NALF1: variants seen among roughly 807,000 people sequenced by gnomAD.
NALF1 encodes family with sequence similarity 155 member A.
In NALF1, 3 loss-of-function variants were observed where a neutral mutation model predicts 48.4. The observed-to-expected ratio is 0.06, with a 90% CI of 0.03 to 0.16. The LOEUF is 0.16. Ranked by LOEUF, NALF1 falls within the 10% of genes least tolerant of loss-of-function variation. The pLI is 1.00. For missense variants in NALF1, 526 were observed against 571.5 expected (o/e 0.92, Z 0.81); for synonymous variants, 262 against 245.7 (o/e 1.07, Z -0.62).
At chr13:107,475,772 C>A (rs1885168681) in intron 1 of NALF1, among the ~76,000 whole-genome samples, 1 of 152,074 alleles carries the variant, frequency 6.6e-6, no homozygotes, top group Non-Finnish European at 1.5e-5. Context: ...ACAATTAAAT[C>A]AATAAAGATT....
At chr13:107,646,030 A>G (rs981754181) in intron 1 of NALF1, among the ~76,000 whole-genome samples, 8 of 152,138 alleles carry the variant, frequency 5.3e-5, no homozygotes, top group Non-Finnish European at 8.8e-5. Context: ...TGGGGAAAAC[A>G]GGATGCAGCA....
intron 1 of NALF1, among the ~76,000 whole-genome samples, chr13:107,285,577 A>C (rs1213743325): frequency 2.0e-5 from 3 of 152,220 alleles, no homozygotes; most frequent in Non-Finnish European, 4.4e-5. Flanking sequence ...AGTGCAAACC[A>C]TATATGTGTA....
chr13:107,506,629 G>C (rs1277607389), intron 1 of NALF1, among the ~76,000 whole-genome samples: 1 of 152,060 alleles, frequency 6.6e-6, no homozygotes, highest in Non-Finnish European at 1.5e-5. Context: ...TGCATAACAT[G>C]ACTAATTATG....
At chr13:107,530,419 G>A (rs1876588497) in intron 1 of NALF1, among the ~76,000 whole-genome samples, 1 of 152,122 alleles carries the variant, frequency 6.6e-6, no homozygotes, top group Non-Finnish European at 1.5e-5. Flanking sequence ...TACATAGTAA[G>A]TGCTCAGCAA....
chr13:107,810,982 T>C (rs1878971883), intron 1 of NALF1, among the ~76,000 whole-genome samples: 1 of 152,164 alleles, frequency 6.6e-6, no homozygotes, highest in South Asian at 2.1e-4. Flanking sequence ...TATGTATATA[T>C]TATTCATAAA....
chr13:107,652,094 G>A (rs1237858968), intron 1 of NALF1, among the ~76,000 whole-genome samples: 1 of 152,112 alleles, frequency 6.6e-6, no homozygotes, highest in Admixed American at 6.6e-5. Context: ...TCAATTTCTA[G>A]CTTTAGCACT....
chr13:107,632,363 G>C (rs868857036), intron 1 of NALF1, among the ~76,000 whole-genome samples: 53 of 152,172 alleles, frequency 3.5e-4, no homozygotes, highest in African/African-American at 1.3e-3. Flanking sequence ...GGAAATATAA[G>C]AGTATGGGCA....
chr13:107,365,534 A>G (rs956593339), intron 1 of NALF1, among the ~76,000 whole-genome samples: 3 of 152,196 alleles, frequency 2.0e-5, no homozygotes, highest in Non-Finnish European at 4.4e-5. Context: ...GAAAAGAACA[A>G]CACATGTATG....
At chr13:107,206,524 C>T (rs183244967) in intron 2 of NALF1, among the ~76,000 whole-genome samples, 197 of 152,256 alleles carry the variant, frequency 1.3e-3, no homozygotes, top group African/African-American at 4.5e-3. Context: ...AAATGATGCA[C>T]GAGATACTGA....
chr13:107,436,506 G>A (rs866166882), intron 1 of NALF1, among the ~76,000 whole-genome samples: 1 of 152,088 alleles, frequency 6.6e-6, no homozygotes. Context: ...TGCAGTAAAA[G>A]CATTTGACAA....
chr13:107,797,349 G>A (rs1878458142), intron 1 of NALF1, among the ~76,000 whole-genome samples: 1 of 152,086 alleles, frequency 6.6e-6, no homozygotes, highest in African/African-American at 2.4e-5. Context: ...GGGAATACAG[G>A]CGCCCACCAC....
intron 1 of NALF1, among the ~76,000 whole-genome samples, chr13:107,793,269 T>C (rs1878308072): frequency 6.6e-6 from 1 of 152,148 alleles, no homozygotes; most frequent in African/African-American, 2.4e-5. Flanking sequence ...CGCAATGCCA[T>C]TAGAAGAAAT....
chr13:107,572,034 T>C (rs1313191271), intron 1 of NALF1, among the ~76,000 whole-genome samples: 1 of 152,214 alleles, frequency 6.6e-6, no homozygotes, highest in African/African-American at 2.4e-5. Context: ...CAACTATCAC[T>C]ATAAATAGCA....
At chr13:107,249,386 T>C (rs1198611946) in intron 1 of NALF1, among the ~76,000 whole-genome samples, 1 of 152,124 alleles carries the variant, frequency 6.6e-6, no homozygotes, top group Non-Finnish European at 1.5e-5. Flanking sequence ...CTCAAAAACT[T>C]ACATCTCAAA....
chr13:107,751,110 G>T (rs1876926116), intron 1 of NALF1, among the ~76,000 whole-genome samples: 1 of 152,208 alleles, frequency 6.6e-6, no homozygotes, highest in Non-Finnish European at 1.5e-5. Flanking sequence ...TGCAAACTAA[G>T]GAGGAAAAGC....
intron 1 of NALF1, among the ~76,000 whole-genome samples, chr13:107,498,461 T>C (rs547061529): frequency 1.3e-5 from 2 of 152,282 alleles, no homozygotes; most frequent in South Asian, 2.1e-4. Flanking sequence ...TAAAAGTCAA[T>C]TGAATTTTCA....
intron 1 of NALF1, among the ~76,000 whole-genome samples, chr13:107,828,569 ATC>A (rs1566498018): frequency 6.7e-5 from 8 of 119,620 alleles, no homozygotes; most frequent in African/African-American, 2.3e-4. Flanking sequence ...ATTAAATTCT[ATC>A]TATCTATCTA....
At chr13:107,350,433 G>C (rs1290223853) in intron 1 of NALF1, among the ~76,000 whole-genome samples, 5 of 152,182 alleles carry the variant, frequency 3.3e-5, no homozygotes, top group Admixed American at 6.6e-5. Flanking sequence ...ACAAAAAGTA[G>C]TTCCTCACAC....
intron 1 of NALF1, among the ~76,000 whole-genome samples, chr13:107,748,036 G>A (rs565523943): frequency 2.0e-5 from 3 of 152,224 alleles, no homozygotes; most frequent in East Asian, 3.9e-4. Context: ...TGTAACTAAC[G>A]TTTTTCATTC....
Sources: allele counts gnomAD v4.1 joint callset (sites outside exome capture counted in the v4.1 genomes callset), GRCh38; gene constraint gnomAD v4.1.1; transcripts MANE v1.5; gene names NCBI Gene and HGNC (gene_info 2026-07-23, HGNC 2026-07-21).